The following PARP14 variants were observed in gnomAD, a reference collection of about 807,000 sequenced individuals.
PARP14 encodes poly(ADP-ribose) polymerase family member 14.
Under a neutral mutation model 154.2 loss-of-function variants are expected in PARP14, and 59 were observed. The ratio of observed to expected loss-of-function variants is 0.38; its 90% CI spans 0.31 to 0.48. The LOEUF is 0.48. Ranked by LOEUF, PARP14 falls within the 20% of genes least tolerant of loss-of-function variation. The pLI is 0.98. For missense variants in PARP14, 1,734 were observed against 2,131.6 expected, an observed-to-expected ratio of 0.81 and a Z score of 3.67; for synonymous variants, 720 against 780.5, an observed-to-expected ratio of 0.92 and a Z score of 1.29.
rs548786287 is a variant in PARP14, at chr3:122,703,259, G to A, written c.3082-483G>A. On this transcript the variant is annotated intron_variant, in intron 6 of 16. Transcript: ENST00000474629. ...GGGGCTGCTCCCTTTCTGTCAGGGA[G>A]TCCAGATGTCTTGGCACTCGAGGTG... is the stretch of plus-strand genomic sequence containing the variant. 2.0e-5 allele frequency among the ~76,000 whole-genome samples: 3 copies of A among 152,228 alleles called. No individual in the cohort carries two copies. The South Asian group carries it at 6.2e-4, about 32-fold the overall frequency.
rs780104969 is a variant in PARP14, at chr3:122,718,439, CG to C, written c.4291del (p.Val1431CysfsTer19). ...AAAGAAAACAGAATCAGCAACTTTT[CG>C]GGTGTGTGGTGAAAATGTCACGTGT... ...LEKKTESATFRVCGENVTCVE... is the reference protein window; with the variant it reads ...LEKKTESATFXVCGENVTCVE... On this transcript the variant is annotated frameshift_variant, in exon 14 of 17. Coordinates refer to ENST00000474629, the MANE Select transcript of PARP14 (RefSeq NM_017554.3). LOFTEE classifies it high-confidence loss of function. The C allele has an allele frequency of 1.2e-6, 2 of 1,613,762 alleles. 1 individual carries two copies. The highest frequency in any genetic ancestry group is 2.2e-5 in the South Asian group (2 of 91,002).
chr3:122,710,132 C>T (rs563741710), intron 9 of PARP14, among the ~76,000 whole-genome samples: 2 of 152,076 alleles, frequency 1.3e-5, no homozygotes, highest in South Asian at 2.1e-4. Flanking sequence ...AATTCTTTGC[C>T]TAAGTCAATG....
chr3:122,709,179 A>G (rs1026378241), intron 9 of PARP14, among the ~76,000 whole-genome samples: 2 of 152,010 alleles, frequency 1.3e-5, no homozygotes, highest in African/African-American at 4.8e-5. Context: ...TGTACCCGTT[A>G]TGTAGTCTTT....
At chr3:122,727,686 C>T (rs1933321996) in intron 15 of PARP14, 126 bp from the exon 16 acceptor site, 1 of 520,294 alleles carries the variant, frequency 1.9e-6, no homozygotes, top group Non-Finnish European at 3.3e-6. Flanking sequence ...CAGAAAGCTG[C>T]CGTCTGGCAT....
intron 9 of PARP14, among the ~76,000 whole-genome samples, chr3:122,712,066 G>A (rs953336439): frequency 1.3e-4 from 19 of 151,610 alleles, no homozygotes; most frequent in Non-Finnish European, 2.2e-4. Context: ...TTTTTTGTTT[G>A]TTTGTTTGAG....
intron 6 of PARP14, among the ~76,000 whole-genome samples, chr3:122,702,422 G>A (rs1279515085): frequency 3.9e-5 from 6 of 152,142 alleles, no homozygotes; most frequent in African/African-American, 1.4e-4. Flanking sequence ...GTTTCACCAT[G>A]TTGGCCAGGC....
chr3:122,711,148 G>A (rs1466584449), intron 9 of PARP14, among the ~76,000 whole-genome samples: 30 of 152,104 alleles, frequency 2.0e-4, no homozygotes, highest in Admixed American at 1.9e-3. Context: ...GTAAAAGTGG[G>A]CATCCTTGTC....
At chr3:122,683,202 G>A (rs570611697) in intron 1 of PARP14, 1 of 554,686 alleles carries the variant, frequency 1.8e-6, no homozygotes, top group African/African-American at 2.0e-5. Flanking sequence ...CAAGGGTCAG[G>A]AATTTGCTAA....
chr3:122,694,843 T>A (rs368263828), intron 4 of PARP14, among the ~76,000 whole-genome samples: 138 of 152,082 alleles, frequency 9.1e-4, no homozygotes, highest in African/African-American at 3.3e-3. Context: ...AAAGAGACAA[T>A]TGAGTTGAGT....
chr3:122,697,420 T>TA (rs1264968209), intron 5 of PARP14, among the ~76,000 whole-genome samples: 2 of 152,198 alleles, frequency 1.3e-5, no homozygotes, highest in African/African-American at 4.8e-5. Context: ...ATTACACAGC[T>TA]AGTGAGTGAC....
rs780678820 is a variant in PARP14 at position 122,700,309 on chromosome 3, G to A, written c.1755G>A (p.Leu585=). 1 of 1,613,508 alleles carries A rather than the reference G, an allele frequency of 6.2e-7. No homozygotes were observed. Among genetic ancestry groups the A allele is most frequent in the Admixed American group, 1.7e-5 (1 of 59,972 alleles). Reference sequence around the variant, plus strand: ...TAACCAGCTGTTCTTCTGAAGCCCTGTTAGAAGCAGAAAAGCAAATGCTCA... The same window carrying A: ...TAACCAGCTGTTCTTCTGAAGCCCTATTAGAAGCAGAAAAGCAAATGCTCA... ...VLLTSCSSEA[L]LEAEKQMLSA... is the part of the protein sequence containing the mutation. Residue 585 remains leucine (L), a synonymous_variant, in exon 6 of 17, where the codon CTG becomes CTA. Coordinates refer to ENST00000474629, the MANE Select transcript of PARP14 (RefSeq NM_017554.3).
intron 7 of PARP14, 92 bp downstream of exon 7, chr3:122,704,070 T>A (rs1471228111): frequency 2.5e-6 from 2 of 805,566 alleles, no homozygotes; most frequent in African/African-American, 1.7e-5. Flanking sequence ...TTGGGCCTTG[T>A]CTGTTTCTCT....
At chr3:122,703,022 AAC>A (rs1560065778) in intron 6 of PARP14, among the ~76,000 whole-genome samples, 1 of 99,490 alleles carries the variant, frequency 1.0e-5, no homozygotes, top group Non-Finnish European at 2.4e-5. Context: ...AAAAAAAAAA[AAC>A]AAAAAACAAA....
Position 122,718,573 on chromosome 3 carries a change from G to C in PARP14, c.4422G>C (p.Glu1474Asp). ...ACTTTGATGAAAAGGAGTATCAGGA[G>C]TTGAATGAGCTGCAGAAGAAGTTAA... The part of the protein sequence containing the change: ...IKDFDEKEYQ[E>D]LNELQKKLNI... The change falls in exon 14 of 17, where the codon GAG becomes GAC. Residue 1474 changes from glutamate (E) to aspartate (D), a missense_variant. Transcript: ENST00000474629. 2 of 1,613,952 alleles carry C rather than the reference G, an allele frequency of 1.2e-6. No individual in the cohort carries two copies. The highest frequency in any genetic ancestry group is 1.7e-6 in the Non-Finnish European group (2 of 1,179,856).
At chr3:122,722,956 G>T (rs1354182793) in intron 15 of PARP14, among the ~76,000 whole-genome samples, 1 of 148,446 alleles carries the variant, frequency 6.7e-6, no homozygotes, top group Non-Finnish European at 1.5e-5. Flanking sequence ...TTTTCCCCGA[G>T]ACGGAGTCTT....
chr3:122,716,674 T>C (rs1347901791), intron 12 of PARP14, among the ~76,000 whole-genome samples: 1 of 152,198 alleles, frequency 6.6e-6, no homozygotes, highest in East Asian at 1.9e-4. Flanking sequence ...TCTGGCCTCC[T>C]CTTTTTGTTC....
intron 15 of PARP14, among the ~76,000 whole-genome samples, chr3:122,725,223 C>T (rs776040405): frequency 7.9e-5 from 12 of 152,112 alleles, no homozygotes; most frequent in African/African-American, 1.7e-4. Flanking sequence ...ACTTCCCATA[C>T]GGGGCGGTTG....
At chr3:122,724,302 CTTTTTTTTTT>C (rs35510761) in intron 15 of PARP14, among the ~76,000 whole-genome samples, 1 of 145,900 alleles carries the variant, frequency 6.9e-6, no homozygotes. Context: ...TTTATGTTTT[CTTTTTTTTTT>C]TTTTGAGGCA....
chr3:122,708,821 AC>A (rs1340665676), intron 9 of PARP14, among the ~76,000 whole-genome samples: 1 of 151,170 alleles, frequency 6.6e-6, no homozygotes, highest in African/African-American at 2.4e-5. Flanking sequence ...CCCCATGCCT[AC>A]CCCCCTCAAT....
Sources: allele counts gnomAD v4.1 joint callset (sites outside exome capture counted in the v4.1 genomes callset), GRCh38; gene constraint gnomAD v4.1.1; transcripts MANE v1.5; gene names NCBI Gene and HGNC (gene_info 2026-07-23, HGNC 2026-07-21).